MUC7: variants seen among roughly 807,000 people sequenced by gnomAD.
MUC7 encodes the protein mucin-7.
A neutral mutation model predicts 2.5 loss-of-function variants in MUC7; 2 were observed. The ratio of observed to expected loss-of-function variants is 0.81; its 90% CI spans 0.33 to 2.55. The LOEUF (loss-of-function observed/expected upper bound fraction) is 2.55, where lower values mean the gene tolerates loss of function less well. Ranked by LOEUF, MUC7 falls within the 30% of genes most tolerant of loss-of-function variation. The pLI, the probability that MUC7 is intolerant of heterozygous loss-of-function variation, is 0.11. For synonymous variants in MUC7, 133 were observed against 173.4 expected, an observed-to-expected ratio of 0.77 and a Z score of 1.83; for missense variants, 408 against 455.6, an observed-to-expected ratio of 0.90 and a Z score of 0.95.
At chr4:70,466,217 T>A (rs2109732385) in intron 1 of MUC7, among the ~76,000 whole-genome samples, 1 of 152,212 alleles carries the variant, frequency 6.6e-6, no homozygotes, top group African/African-American at 2.4e-5. Context: ...GCTGAGAGAT[T>A]TTGTCACCAC....
At chr4:70,438,547 C>A (rs1287669112) in intron 1 of MUC7, among the ~76,000 whole-genome samples, 1 of 152,120 alleles carries the variant, frequency 6.6e-6, no homozygotes, top group Non-Finnish European at 1.5e-5. Flanking sequence ...ACCTCTGCCT[C>A]CCAGGTTCAA....
chr4:70,480,716 C>T lies in MUC7; in HGVS notation c.55-83C>T, dbSNP rs145070009. On this transcript the variant is annotated intron_variant, in intron 2 of 2. Transcript: ENST00000304887. ...TCTAATCCCAGCATTCCACAAATAC[C>T]GCTCATCTCATGGTCAGCAGTGATC... is the stretch of plus-strand genomic sequence containing the variant. 430 of 1,377,944 alleles carry T rather than the reference C, an allele frequency of 3.1e-4. 1 individual carries two copies. In the East Asian group the frequency reaches 6.5e-3, roughly 21 times the overall value. The allele number at this position is 1,377,944 out of a possible 1,614,324, so 85.4% of individuals were successfully genotyped here.
chr4:70,479,087 C>T (rs1577917094), intron 2 of MUC7, among the ~76,000 whole-genome samples: 3 of 152,166 alleles, frequency 2.0e-5, no homozygotes, highest in African/African-American at 7.2e-5. Context: ...CTGCAACAGA[C>T]CAGCAGTGGA....
chr4:70,436,726 GC>G (rs1421629118), intron 1 of MUC7, among the ~76,000 whole-genome samples: 1 of 152,146 alleles, frequency 6.6e-6, no homozygotes, highest in African/African-American at 2.4e-5. Context: ...TCTTTGTCCA[GC>G]TTTGTTTCCT....
chr4:70,447,599 T>C lies in MUC7; in HGVS notation c.-93+16912T>C, dbSNP rs77140837. Among the ~76,000 whole-genome samples, 239 of 152,298 alleles carry C rather than the reference T, an allele frequency of 1.6e-3. 5 individuals are homozygous for C. In the East Asian group the frequency reaches 0.041, roughly 26 times the overall value. ...ATACCATAGACATGTCAGACACTAT[T>C]TTAAAATTCTTTACATTAACTGATT... On this transcript the variant is annotated intron_variant, in intron 1 of 3. Coordinates refer to the MUC7 transcript ENST00000413702.
At chr4:70,463,349 A>G (rs965475888) in intron 1 of MUC7, among the ~76,000 whole-genome samples, 30 of 152,228 alleles carry the variant, frequency 2.0e-4, no homozygotes, top group Admixed American at 3.3e-4. Context: ...GGGTCAACAT[A>G]AAAAGCAGTT....
chr4:70,478,065 T>A (rs1181688202), intron 2 of MUC7, among the ~76,000 whole-genome samples: 2 of 152,148 alleles, frequency 1.3e-5, no homozygotes, highest in Non-Finnish European at 2.9e-5. Context: ...TCATAATAAC[T>A]AATCAATATA....
chr4:70,437,987 A>G (rs1733898089), intron 1 of MUC7, among the ~76,000 whole-genome samples: 2 of 152,206 alleles, frequency 1.3e-5, no homozygotes, highest in Non-Finnish European at 2.9e-5. Context: ...AGCTTTGGAT[A>G]CTATAAATAA....
At chr4:70,457,613 T>TA (rs1317381831) in intron 1 of MUC7, among the ~76,000 whole-genome samples, 1 of 151,914 alleles carries the variant, frequency 6.6e-6, no homozygotes, top group East Asian at 1.9e-4. Context: ...GGAACCCAAA[T>TA]AAAAAATTTA....
Position 70,481,788 on chromosome 4 carries a change from T to A in MUC7, c.1044T>A (p.Thr348=), listed in dbSNP as rs1440768235. ...AAACTACTACTACTAAACAACCAAC[T>A]TCAGCTCCTGGCCAAAATAAAATTT... ...TTQTTTTKQP[T]SAPGQNKISR... The change falls in exon 3 of 3, where the codon ACT becomes ACA. Residue 348 remains threonine, a synonymous_variant. Coordinates refer to ENST00000304887, the MANE Select transcript of MUC7 (RefSeq NM_152291.3). The A allele has an allele frequency of 1.9e-6, 3 of 1,614,150 alleles. No individual in the cohort carries two copies. The highest frequency in any genetic ancestry group is 4.5e-5 in the East Asian group (2 of 44,864).
chr4:70,480,682 A>C, intron 2 of MUC7, 117 bp from the exon 3 acceptor site: 3 of 1,037,270 alleles, frequency 2.9e-6, no homozygotes, highest in Non-Finnish European at 4.1e-6. Flanking sequence ...TCAATAATGT[A>C]CTCTGGTTTC....
chr4:70,439,221 G>A (rs1733941525), intron 1 of MUC7, among the ~76,000 whole-genome samples: 1 of 152,196 alleles, frequency 6.6e-6, no homozygotes, highest in Non-Finnish European at 1.5e-5. Flanking sequence ...TGATATTGGA[G>A]TAGAGAATTC....
At chr4:70,444,461 T>C (rs1374036798) in intron 1 of MUC7, among the ~76,000 whole-genome samples, 1 of 151,992 alleles carries the variant, frequency 6.6e-6, no homozygotes, top group Non-Finnish European at 1.5e-5. Flanking sequence ...CACAACACCT[T>C]CCCCTACTAC....
At chr4:70,433,509 A>C (rs1733737854) in intron 1 of MUC7, among the ~76,000 whole-genome samples, 1 of 152,128 alleles carries the variant, frequency 6.6e-6, no homozygotes, top group African/African-American at 2.4e-5. Flanking sequence ...ATGGGAGTTC[A>C]CTCATGATTT....
intron 1 of MUC7, chr4:70,430,794 A>C (rs1733638580): frequency 6.6e-6 from 1 of 152,308 alleles, no homozygotes; most frequent in African/African-American, 2.4e-5. Flanking sequence ...CTGGTAGAAC[A>C]GCATTTCTAA....
chr4:70,466,014 C>CTTTCTCAG (rs1734674849), intron 1 of MUC7, among the ~76,000 whole-genome samples: 1 of 152,138 alleles, frequency 6.6e-6, no homozygotes, highest in Non-Finnish European at 1.5e-5. Context: ...TCAGGTTACC[C>CTTTCTCAG]ACAAAGGGAA....
rs528209686 is a variant in MUC7, at chr4:70,480,788, C to T, written c.55-11C>T. ...TTTTTTCATTTCTTACATTTTCTTT[C>T]TTTTCTGCAGTTCAGTGAAGGTCGA... On this transcript the variant is annotated splice_polypyrimidine_tract_variant and intron_variant, in intron 2 of 2. Transcript: ENST00000304887. The T allele has an allele frequency of 1.2e-6, 2 of 1,603,952 alleles. No individual in the cohort carries two copies. The highest frequency in any genetic ancestry group is 1.7e-6 in the Non-Finnish European group (2 of 1,173,712).
intron 2 of MUC7, among the ~76,000 whole-genome samples, chr4:70,475,856 A>G (rs1221340707): frequency 6.6e-6 from 1 of 152,162 alleles, no homozygotes; most frequent in Non-Finnish European, 1.5e-5. Context: ...GATGAAGTGG[A>G]CGGAATTTAC....
At chr4:70,434,383 G>A (rs1261525287) in intron 1 of MUC7, among the ~76,000 whole-genome samples, 1 of 152,116 alleles carries the variant, frequency 6.6e-6, no homozygotes, top group Non-Finnish European at 1.5e-5. Context: ...ATTAATTATT[G>A]CCTCAATTTC....
Sources: gnomAD v4.1 joint callset for allele counts (sites outside exome capture counted in the v4.1 genomes callset) on GRCh38, gnomAD v4.1.1 for gene constraint, MANE v1.5 for transcripts, NCBI Gene and HGNC (gene_info 2026-07-23, HGNC 2026-07-21) for gene names.